Variants in SLC9A9 observed in about 807,000 individuals in gnomAD.
The protein encoded by SLC9A9 is solute carrier family 9 member A9.
SLC9A9 carries 62 observed loss-of-function variants against 77.8 expected under a neutral mutation model. The observed-to-expected ratio is 0.80, with a 90% CI of 0.65 to 0.98. SLC9A9 has a LOEUF of 0.98. Ranked by LOEUF, SLC9A9 falls within the 50% of genes least tolerant of loss-of-function variation. The pLI is 0.00. For synonymous variants in SLC9A9, 320 were observed against 283.5 expected, an observed-to-expected ratio of 1.13 and a Z score of -1.29; for missense variants, 775 against 774.9, an observed-to-expected ratio of 1.00 and a Z score of 0.00.
chr3:143,325,721 T>A (rs187777699), intron 14 of SLC9A9, among the ~76,000 whole-genome samples: 1 of 152,342 alleles, frequency 6.6e-6, no homozygotes, highest in East Asian at 1.9e-4. Flanking sequence ...CTCATGCTGG[T>A]CAGTACTATG....
At chr3:143,400,370 T>C (rs2033826457) in intron 12 of SLC9A9, among the ~76,000 whole-genome samples, 1 of 152,050 alleles carries the variant, frequency 6.6e-6, no homozygotes, top group Non-Finnish European at 1.5e-5. Flanking sequence ...AAGAAAGGAA[T>C]TAATGGCATC....
At chr3:143,578,178 A>G (rs2108662506) in intron 7 of SLC9A9, among the ~76,000 whole-genome samples, 1 of 152,260 alleles carries the variant, frequency 6.6e-6, no homozygotes, top group East Asian at 1.9e-4. Flanking sequence ...AAGCCTGAAA[A>G]AGAGGCAGAT....
chr3:143,376,837 A>G (rs1018475851), intron 13 of SLC9A9, among the ~76,000 whole-genome samples: 2 of 152,242 alleles, frequency 1.3e-5, no homozygotes, highest in African/African-American at 4.8e-5. Context: ...ATTAGTTACA[A>G]TGACATTGGA....
rs1253202912 is a variant in SLC9A9 at position 143,666,374 on chromosome 3, T to C, written c.650-14014A>G. Among the ~76,000 whole-genome samples, 5 of 152,242 alleles carry C rather than the reference T, an allele frequency of 3.3e-5. No homozygotes were observed. In the East Asian group the frequency reaches 9.6e-4, roughly 29 times the overall value. On this transcript the variant is annotated intron_variant, in intron 5 of 15. Transcript: ENST00000316549. ...CTATGTATGACAAACCCACAGCCAA[T>C]ATCATACTGAATCGGCAAAAACTGG... is the stretch of plus-strand genomic sequence containing the variant.
chr3:143,429,906 A>G (rs1255617155), intron 12 of SLC9A9, among the ~76,000 whole-genome samples: 1 of 152,220 alleles, frequency 6.6e-6, no homozygotes, highest in Non-Finnish European at 1.5e-5. Flanking sequence ...CTTAGAGGTC[A>G]TATCTTTCAA....
intron 9 of SLC9A9, among the ~76,000 whole-genome samples, chr3:143,527,179 A>G (rs570912677): frequency 1.3e-5 from 2 of 152,176 alleles, no homozygotes; most frequent in Admixed American, 1.3e-4. Flanking sequence ...CAATATTTTC[A>G]TTTTAGCTTT....
chr3:143,406,234 C>T (rs1481649390), intron 12 of SLC9A9, among the ~76,000 whole-genome samples: 1 of 152,094 alleles, frequency 6.6e-6, no homozygotes, highest in Non-Finnish European at 1.5e-5. Context: ...AATTATTTCC[C>T]ATAAATCTTT....
chr3:143,589,552 T>C (rs1337595481), intron 6 of SLC9A9, among the ~76,000 whole-genome samples: 3 of 152,206 alleles, frequency 2.0e-5, no homozygotes, highest in African/African-American at 7.2e-5. Flanking sequence ...CTAGAAGATA[T>C]AGGTTATACC....
intron 9 of SLC9A9, among the ~76,000 whole-genome samples, chr3:143,545,775 T>C (rs2036778746): frequency 6.6e-6 from 1 of 152,244 alleles, no homozygotes; most frequent in South Asian, 2.1e-4. Context: ...TGCCTCATCC[T>C]TGGATTTGCT....
intron 8 of SLC9A9, among the ~76,000 whole-genome samples, chr3:143,555,883 A>G (rs1025738874): frequency 6.6e-6 from 1 of 152,230 alleles, no homozygotes; most frequent in Non-Finnish European, 1.5e-5. Context: ...ATGAGCCCAC[A>G]TGACCAGAGG....
chr3:143,665,886 G>A (rs771586923), intron 5 of SLC9A9, among the ~76,000 whole-genome samples: 12 of 152,232 alleles, frequency 7.9e-5, no homozygotes, highest in East Asian at 1.9e-4. Flanking sequence ...ATTCACAGAC[G>A]AATTCTACCA....
intron 2 of SLC9A9, among the ~76,000 whole-genome samples, chr3:143,798,511 G>T (rs1036790312): frequency 1.3e-5 from 2 of 152,062 alleles, no homozygotes; most frequent in African/African-American, 4.8e-5. Context: ...CTATAGGCAA[G>T]CTTCCACCCT....
rs1020442198 is a variant in SLC9A9, at chr3:143,381,902, G to T, written c.1524+158C>A. ...ATATGCTAGAAGTTATCAACACCCT[G>T]AATTCCCTTGTATTTTATTGTAATC... is the stretch of plus-strand genomic sequence containing the variant. On this transcript the variant is annotated intron_variant, in intron 13 of 15. Coordinates refer to ENST00000316549, the MANE Select transcript of SLC9A9 (RefSeq NM_173653.4). 1.4e-4 allele frequency: 122 copies of T among 849,278 alleles called. 2 individuals carry two copies. In the East Asian group the frequency reaches 2.8e-3, roughly 19 times the overall value. 52.6% of individuals were successfully genotyped at this position (849,278 alleles called of 1,614,324 possible). A position where few individuals can be genotyped will look rare whatever the true frequency, so the allele number is the denominator to read the frequency against.
At chr3:143,427,613 G>C (rs762355797) in intron 12 of SLC9A9, among the ~76,000 whole-genome samples, 16 of 152,182 alleles carry the variant, frequency 1.1e-4, no homozygotes, top group Non-Finnish European at 1.0e-4. Context: ...GGTGGTTTCA[G>C]AAAACTTAAG....
At chr3:143,325,651 C>T (rs1326510950) in intron 14 of SLC9A9, among the ~76,000 whole-genome samples, 4 of 152,178 alleles carry the variant, frequency 2.6e-5, no homozygotes, top group African/African-American at 7.2e-5. Context: ...CTTGGAAGGC[C>T]GTGGCCAGTT....
chr3:143,596,686 A>G, intron 6 of SLC9A9, among the ~76,000 whole-genome samples: 1 of 152,092 alleles, frequency 6.6e-6, no homozygotes, highest in Admixed American at 6.5e-5. Context: ...TTTTAAAGAC[A>G]GGATCTTGCT....
chr3:143,292,009 G>A (rs1458546205), intron 14 of SLC9A9, among the ~76,000 whole-genome samples: 4 of 152,182 alleles, frequency 2.6e-5, no homozygotes, highest in Non-Finnish European at 4.4e-5. Context: ...ATAGCCCTGT[G>A]CTCTGAAAAA....
chr3:143,446,416 G>A (rs190558040), intron 12 of SLC9A9, among the ~76,000 whole-genome samples: 2 of 152,232 alleles, frequency 1.3e-5, no homozygotes, highest in East Asian at 1.9e-4. Flanking sequence ...GGTTATGGGG[G>A]CTTGAGGAGA....
At chr3:143,848,074 T>C in intron 1 of SLC9A9, 74 bp downstream of exon 1, 3 of 1,373,972 alleles carry the variant, frequency 2.2e-6, no homozygotes, top group Non-Finnish European at 3.1e-6. Context: ...TTCGGTACTT[T>C]GCTATCTGAG....
Sources: allele counts gnomAD v4.1 joint callset (sites outside exome capture counted in the v4.1 genomes callset), GRCh38; gene constraint gnomAD v4.1.1; transcripts MANE v1.5; gene names NCBI Gene and HGNC (gene_info 2026-07-23, HGNC 2026-07-21).